The following RASSF3 variants were observed in gnomAD, a reference collection of about 807,000 sequenced individuals.
RASSF3 encodes the protein ras association domain-containing protein 3.
Under a neutral mutation model 19.9 loss-of-function variants are expected in RASSF3, and 19 were observed. The observed-to-expected ratio is 0.96, with a 90% CI of 0.67 to 1.40. The LOEUF (loss-of-function observed/expected upper bound fraction) is 1.40, where lower values mean the gene tolerates loss of function less well. Ranked by LOEUF, RASSF3 falls within the 40% of genes most tolerant of loss-of-function variation. RASSF3 has a pLI of 0.00. For synonymous variants in RASSF3, 110 were observed against 104.2 expected, an observed-to-expected ratio of 1.06 and a Z score of -0.34; for missense variants, 306 against 289.8, an observed-to-expected ratio of 1.06 and a Z score of -0.41.
chr12:64,684,430 TG>T (rs1274281856), intron 1 of RASSF3, among the ~76,000 whole-genome samples: 23 of 62,142 alleles, frequency 3.7e-4, no homozygotes, highest in East Asian at 2.2e-3. Context: ...TTTGTTTGTT[TG>T]TTTGTTTTTT....
intron 2 of RASSF3, among the ~76,000 whole-genome samples, chr12:64,560,153 G>A (rs1302063087): frequency 7.2e-5 from 11 of 152,220 alleles, no homozygotes; most frequent in South Asian, 4.1e-4. Context: ...ATCCTGAGAG[G>A]CATGCATTCA....
Position 64,694,790 on chromosome 12 carries a change from C to T in RASSF3, c.595C>T (p.Gln199Ter). The change falls in exon 5 of 5, where the codon CAG becomes TAG. Residue 199 changes from glutamine (Q) to a stop codon, truncating the protein, a stop_gained. Coordinates refer to ENST00000542104, the MANE Select transcript of RASSF3 (RefSeq NM_178169.4). LOFTEE classifies it low-confidence loss of function (END_TRUNC). ...EWEAFSLPEL[Q>*]NFLRILDKEE... ...GGAAGCCTTCAGCCTTCCAGAACTA[C>T]AGAATTTCTTGCGCATCTTGGACAA... is the stretch of plus-strand genomic sequence containing the variant. The T allele has an allele frequency of 6.2e-7, 1 of 1,614,218 alleles. No individual in the cohort carries two copies. The highest frequency in any genetic ancestry group is 8.5e-7 in the Non-Finnish European group (1 of 1,180,028).
chr12:64,668,162 AT>A (rs1381840037), intron 1 of RASSF3, among the ~76,000 whole-genome samples: 3 of 152,216 alleles, frequency 2.0e-5, no homozygotes, highest in African/African-American at 7.2e-5. Flanking sequence ...TAACTGTTGA[AT>A]GACCTGAACC....
intron 1 of RASSF3, among the ~76,000 whole-genome samples, chr12:64,647,289 C>A (rs1274503032): frequency 6.6e-6 from 1 of 152,006 alleles, no homozygotes; most frequent in Non-Finnish European, 1.5e-5. Context: ...CACTCTGTCA[C>A]CAAGACTGGA....
In RASSF3 at chr12:64,695,033, T is replaced by TG. The variant is rs911829881; in HGVS notation, c.*122dup. 1 of 1,082,620 alleles carries TG rather than the reference T, an allele frequency of 9.2e-7. No homozygotes were observed. The highest frequency in any genetic ancestry group is 1.3e-6 in the Non-Finnish European group (1 of 768,514). 67.1% of individuals were successfully genotyped at this position (1,082,620 alleles called of 1,614,324 possible). A position where few individuals can be genotyped will look rare whatever the true frequency, so the allele number is the denominator to read the frequency against. On this transcript the variant is annotated 3_prime_UTR_variant, in exon 5 of 5. Coordinates refer to ENST00000542104, the MANE Select transcript of RASSF3 (RefSeq NM_178169.4). ...ATGCTAGGGTCTTCGCCTTTCTATC[T>TG]GTAGATTTTGTTCCCCAAACCTGGT...
chr12:64,545,085 A>T (rs780746534), downstream of RASSF3, among the ~76,000 whole-genome samples: 11 of 152,226 alleles, frequency 7.2e-5, no homozygotes, highest in Non-Finnish European at 1.3e-4. Context: ...TTACAACTGG[A>T]GCCGATTGGA....
chr12:64,582,156 G>A (rs867975639), intron 2 of RASSF3, among the ~76,000 whole-genome samples: 19 of 152,200 alleles, frequency 1.2e-4, no homozygotes, highest in South Asian at 4.1e-4. Flanking sequence ...CCCAGCTGAC[G>A]ATGACATTTT....
intron 1 of RASSF3, among the ~76,000 whole-genome samples, chr12:64,668,605 G>T (rs1229699443): frequency 6.6e-6 from 1 of 151,522 alleles, no homozygotes; most frequent in Non-Finnish European, 1.5e-5. Flanking sequence ...CCCTGGCTTG[G>T]CACCTCAGAA....
Position 64,631,570 on chromosome 12 carries a change from TGTA to T in RASSF3, c.111+20828_111+20830del, listed in dbSNP as rs1218072641. ...ATGTATGTATGTATGTATGTATGTA[TGTA>T]TGTATGTATGTATGTTGAGACATAG... On this transcript the variant is annotated intron_variant, in intron 1 of 4. Transcript: ENST00000542104. Among the ~76,000 whole-genome samples the T allele has an allele frequency of 2.6e-5, 4 of 151,620 alleles. 1 individual carries two copies. Among genetic ancestry groups the T allele is most frequent in the African/African-American group, 9.7e-5 (4 of 41,324 alleles).
At chr12:64,670,686 A>G (rs1872674610) in intron 1 of RASSF3, among the ~76,000 whole-genome samples, 1 of 152,002 alleles carries the variant, frequency 6.6e-6, no homozygotes, top group Admixed American at 6.6e-5. Context: ...CTTCTTTTTA[A>G]ATTGTCAGTG....
intron 2 of RASSF3, among the ~76,000 whole-genome samples, chr12:64,590,247 G>T (rs1420625942): frequency 1.3e-5 from 2 of 150,734 alleles, no homozygotes. Context: ...AAAAAAAAAT[G>T]GTGTTCAAGA....
At chr12:64,587,267 G>A (rs1869828999) in intron 2 of RASSF3, among the ~76,000 whole-genome samples, 1 of 151,944 alleles carries the variant, frequency 6.6e-6, no homozygotes, top group Admixed American at 6.6e-5. Flanking sequence ...ATGTTGGTCA[G>A]GCTGGTCTTG....
chr12:64,666,793 C>T (rs1460183422), intron 1 of RASSF3, among the ~76,000 whole-genome samples: 1 of 152,202 alleles, frequency 6.6e-6, no homozygotes, highest in African/African-American at 2.4e-5. Context: ...ATTCCAGTGC[C>T]TGACACAACT....
At chr12:64,575,349 C>T (rs1165463490) in intron 2 of RASSF3, among the ~76,000 whole-genome samples, 8 of 152,122 alleles carry the variant, frequency 5.3e-5, no homozygotes, top group African/African-American at 7.2e-5. Flanking sequence ...GTCAGGAGAT[C>T]GAAACCATCC....
intron 1 of RASSF3, 148 bp downstream of exon 1, chr12:64,610,891 T>C: frequency 2.0e-6 from 1 of 499,236 alleles, no homozygotes; most frequent in Non-Finnish European, 3.5e-6. Flanking sequence ...GGCTTCTGCC[T>C]TTTCGGGTCC....
chr12:64,594,650 C>T (rs969830054), intron 2 of RASSF3, among the ~76,000 whole-genome samples: 2 of 151,994 alleles, frequency 1.3e-5, no homozygotes, highest in Non-Finnish European at 2.9e-5. Context: ...TTTGGTATAG[C>T]GATTATTTTG....
At chr12:64,589,633 G>C (rs1239200042) in intron 2 of RASSF3, among the ~76,000 whole-genome samples, 1 of 151,752 alleles carries the variant, frequency 6.6e-6, no homozygotes, top group East Asian at 1.9e-4. Flanking sequence ...AAGAAAAGGT[G>C]TTTGGCCAAG....
intron 2 of RASSF3, among the ~76,000 whole-genome samples, chr12:64,600,912 C>T (rs1034615356): frequency 6.6e-6 from 1 of 152,292 alleles, no homozygotes; most frequent in African/African-American, 2.4e-5. Flanking sequence ...CTCCTTTCTT[C>T]AGTCTTCTCT....
intron 2 of RASSF3, among the ~76,000 whole-genome samples, chr12:64,583,096 C>T (rs191636935): frequency 2.2e-4 from 33 of 152,256 alleles, no homozygotes; most frequent in Non-Finnish European, 3.7e-4. Flanking sequence ...ACCCCACCTC[C>T]GCCCCACTTT....
Sources: allele counts gnomAD v4.1 joint callset (sites outside exome capture counted in the v4.1 genomes callset), GRCh38; gene constraint gnomAD v4.1.1; transcripts MANE v1.5; gene names NCBI Gene and HGNC (gene_info 2026-07-23, HGNC 2026-07-21).